The following SLC8A1 variants were observed in gnomAD, a reference collection of about 807,000 sequenced individuals.
The protein encoded by SLC8A1 is solute carrier family 8 member A1, also known as sodium/calcium exchanger 1.
A neutral mutation model predicts 68.3 loss-of-function variants in SLC8A1; 18 were observed. The ratio of observed to expected loss-of-function variants is 0.26; its 90% CI spans 0.18 to 0.39. SLC8A1 has a LOEUF of 0.39. SLC8A1 is among the 10% of genes least tolerant of loss of function. The probability of loss-of-function intolerance (pLI) is 1.00; values close to 1 mark genes in which losing one functional copy is unlikely to be tolerated. For synonymous variants in SLC8A1, 475 were observed against 415.5 expected (o/e 1.14, Z -1.74); for missense variants, 985 against 1,156.7 (o/e 0.85, Z 2.15).
intron 7 of SLC8A1, among the ~76,000 whole-genome samples, chr2:40,134,734 A>G (rs946284031): frequency 1.4e-4 from 21 of 152,350 alleles, no homozygotes; most frequent in African/African-American, 5.1e-4. Flanking sequence ...TAATGTGTAA[A>G]TGACTGATTT....
chr2:40,357,601 A>T (rs6544326), intron 2 of SLC8A1, among the ~76,000 whole-genome samples: 80,072 of 151,438 alleles, frequency 0.53, 21,614 homozygotes, highest in Admixed American at 0.61. Flanking sequence ...GACAGGTTGA[A>T]GGGAGCAGTA....
chr2:40,453,771 A>G (rs2149885611), upstream of SLC8A1, among the ~76,000 whole-genome samples: 1 of 152,322 alleles, frequency 6.6e-6, no homozygotes, highest in Non-Finnish European at 1.5e-5. Context: ...ATTCTTTTTC[A>G]ATAGACCTGG....
intron 2 of SLC8A1, among the ~76,000 whole-genome samples, chr2:40,383,990 G>A (rs1174955783): frequency 1.3e-5 from 2 of 152,124 alleles, no homozygotes; most frequent in Non-Finnish European, 2.9e-5. Flanking sequence ...GCCAGGTGCA[G>A]TGACTCACAC....
At chr2:40,368,786 C>T (rs990875924) in intron 2 of SLC8A1, among the ~76,000 whole-genome samples, 20 of 151,852 alleles carry the variant, frequency 1.3e-4, no homozygotes, top group Non-Finnish European at 2.1e-4. Flanking sequence ...TGACTTCAAA[C>T]CATACTACAG....
chr2:40,509,236 T>G (rs1706554234), intron 1 of SLC8A1, among the ~76,000 whole-genome samples: 1 of 152,128 alleles, frequency 6.6e-6, no homozygotes, highest in African/African-American at 2.4e-5. Flanking sequence ...CCAGGTGAAC[T>G]GGATCCTAGG....
At chr2:40,111,721 G>A (rs1254423919) in exon 8 of SLC8A1, 2 of 152,064 alleles carry the variant, frequency 1.3e-5, no homozygotes, top group Non-Finnish European at 2.9e-5. Context: ...TCGTTAATGC[G>A]AGGCAGAAGT....
chr2:40,389,561 C>G (rs1684636172), intron 2 of SLC8A1, among the ~76,000 whole-genome samples: 1 of 151,882 alleles, frequency 6.6e-6, no homozygotes, highest in Non-Finnish European at 1.5e-5. Flanking sequence ...CCCAAGTCTA[C>G]CACTTAGACT....
chr2:40,111,932 A>G (rs939327630), exon 8 of SLC8A1: 1 of 152,174 alleles, frequency 6.6e-6, no homozygotes, highest in African/African-American at 2.4e-5. Context: ...AAGGATGTAG[A>G]TAGAGTCATA....
intron 1 of SLC8A1, among the ~76,000 whole-genome samples, chr2:40,469,162 T>G (rs1459518033): frequency 6.6e-6 from 1 of 152,166 alleles, no homozygotes; most frequent in East Asian, 1.9e-4. Context: ...AAGCATTAAC[T>G]ATGTTTGCAA....
intron 2 of SLC8A1, among the ~76,000 whole-genome samples, chr2:40,210,711 G>A (rs897410274): frequency 1.3e-5 from 2 of 152,072 alleles, no homozygotes; most frequent in African/African-American, 4.8e-5. Context: ...AGTAATTGAA[G>A]CACTTATTGT....
chr2:40,435,903 G>A (rs1238816707), intron 1 of SLC8A1, among the ~76,000 whole-genome samples: 7 of 151,512 alleles, frequency 4.6e-5, no homozygotes, highest in Non-Finnish European at 8.8e-5. Flanking sequence ...AGCCTGCCAA[G>A]TAGCTGGGAT....
chr2:40,346,751 C>T (rs1472218923), intron 2 of SLC8A1, among the ~76,000 whole-genome samples: 1 of 151,864 alleles, frequency 6.6e-6, no homozygotes, highest in East Asian at 1.9e-4. Context: ...TCTAAAGGCA[C>T]CAAAATTTAC....
intron 7 of SLC8A1, among the ~76,000 whole-genome samples, chr2:40,117,580 A>AT (rs375539614): frequency 4.3e-4 from 65 of 151,112 alleles, no homozygotes; most frequent in East Asian, 7.8e-4. Context: ...AAAAAAAAAA[A>AT]TCAAATAAAG....
chr2:40,404,973 T>C (rs562378808), intron 2 of SLC8A1, among the ~76,000 whole-genome samples: 7 of 152,300 alleles, frequency 4.6e-5, no homozygotes, highest in African/African-American at 1.4e-4. Flanking sequence ...AATACTTGTA[T>C]CCAGAAGTGG....
exon 2 of SLC8A1, chr2:40,429,944 T>C: frequency 6.2e-7 from 1 of 1,613,590 alleles, no homozygotes; most frequent in African/African-American, 1.3e-5. Context: ...TTTATGGTTA[T>C]TTCTTTTTCT....
chr2:40,114,520 C>T (rs5542), exon 8 of SLC8A1: 89,625 of 152,516 alleles, frequency 0.59, 26,890 homozygotes, highest in East Asian at 0.79. Context: ...GGATTTTGCA[C>T]GTTCCTGGGA....
At chr2:40,199,864 C>A (rs1465251717) in intron 2 of SLC8A1, among the ~76,000 whole-genome samples, 1 of 151,316 alleles carries the variant, frequency 6.6e-6, no homozygotes, top group African/African-American at 2.4e-5. Context: ...TCATCAGTGG[C>A]CATATTTGGC....
intron 2 of SLC8A1, among the ~76,000 whole-genome samples, chr2:40,316,034 A>T (rs1235992698): frequency 1.3e-5 from 2 of 152,078 alleles, no homozygotes; most frequent in Admixed American, 6.6e-5. Flanking sequence ...ACATGCAAAA[A>T]AACGTGATAT....
At chr2:40,293,930 C>A (rs1224523069) in intron 2 of SLC8A1, among the ~76,000 whole-genome samples, 1 of 152,042 alleles carries the variant, frequency 6.6e-6, no homozygotes, top group Non-Finnish European at 1.5e-5. Flanking sequence ...TGATTGGGCG[C>A]AAAGATCAAG....
Sources: gnomAD v4.1 joint callset for allele counts (sites outside exome capture counted in the v4.1 genomes callset) on GRCh38, gnomAD v4.1.1 for gene constraint, MANE v1.5 for transcripts, NCBI Gene and HGNC (gene_info 2026-07-23, HGNC 2026-07-21) for gene names.